The following MACROD2 variants were observed in gnomAD, a reference collection of about 807,000 sequenced individuals.
The protein encoded by MACROD2 is mono-ADP ribosylhydrolase 2.
In MACROD2, 36 loss-of-function variants were observed where a neutral mutation model predicts 70.4. That is an observed-to-expected ratio of 0.51 (90% confidence interval 0.39 to 0.68). The LOEUF is 0.68. Ranked by LOEUF, MACROD2 falls within the 30% of genes least tolerant of loss-of-function variation. The pLI, the probability that MACROD2 is intolerant of heterozygous loss-of-function variation, is 0.00. For synonymous variants in MACROD2, 172 were observed against 178.8 expected (o/e 0.96, Z 0.30); for missense variants, 496 against 538.4 (o/e 0.92, Z 0.78).
intron 4 of MACROD2, among the ~76,000 whole-genome samples, chr20:14,657,640 G>T (rs936981601): frequency 1.6e-4 from 25 of 152,166 alleles, no homozygotes; most frequent in African/African-American, 5.5e-4. Context: ...TTCTGGTTTA[G>T]CTGTGATAAG....
chr20:15,829,001 A>G (rs761897192), intron 8 of MACROD2, among the ~76,000 whole-genome samples: 12 of 152,208 alleles, frequency 7.9e-5, no homozygotes, highest in Non-Finnish European at 1.2e-4. Flanking sequence ...TGTTATTTAC[A>G]AACAATTCTT....
At chr20:15,054,233 C>T (rs1306162852) in intron 5 of MACROD2, among the ~76,000 whole-genome samples, 2 of 152,034 alleles carry the variant, frequency 1.3e-5, no homozygotes, top group Non-Finnish European at 2.9e-5. Flanking sequence ...AAGGATTGAC[C>T]CTGATTTTTA....
intron 4 of MACROD2, among the ~76,000 whole-genome samples, chr20:14,612,953 A>C (rs963601742): frequency 6.6e-6 from 1 of 152,058 alleles, no homozygotes; most frequent in Admixed American, 6.6e-5. Flanking sequence ...TCTTCTATGC[A>C]CCTACAGTGA....
chr20:14,768,487 T>C (rs1232000702), intron 5 of MACROD2, among the ~76,000 whole-genome samples: 1 of 152,092 alleles, frequency 6.6e-6, no homozygotes, highest in Non-Finnish European at 1.5e-5. Context: ...TTTCCCTTTT[T>C]AACATTTTTA....
intron 8 of MACROD2, among the ~76,000 whole-genome samples, chr20:15,512,271 T>C (rs755937602): frequency 6.6e-6 from 1 of 152,226 alleles, no homozygotes; most frequent in African/African-American, 2.4e-5. Context: ...TTAAATATCT[T>C]TGGGAGTTGC....
intron 4 of MACROD2, among the ~76,000 whole-genome samples, chr20:14,550,987 G>C (rs764667970): frequency 1.3e-5 from 2 of 151,322 alleles, no homozygotes; most frequent in African/African-American, 2.4e-5. Flanking sequence ...TATATTTGCT[G>C]TTACCCTTTC....
At chr20:14,064,705 T>A (rs1261398861) in intron 2 of MACROD2, among the ~76,000 whole-genome samples, 1 of 152,204 alleles carries the variant, frequency 6.6e-6, no homozygotes, top group African/African-American at 2.4e-5. Flanking sequence ...TCCCTTTCAA[T>A]CCTACTTATT....
intron 5 of MACROD2, among the ~76,000 whole-genome samples, chr20:15,152,863 C>G (rs1199198787): frequency 6.6e-6 from 1 of 152,022 alleles, no homozygotes; most frequent in African/African-American, 2.4e-5. Context: ...TAAAACGTGT[C>G]TCCTTTGTCT....
chr20:14,231,932 T>C (rs1231883737), intron 3 of MACROD2, among the ~76,000 whole-genome samples: 5 of 152,256 alleles, frequency 3.3e-5, no homozygotes, highest in Non-Finnish European at 7.3e-5. Flanking sequence ...GCTGCATAAA[T>C]GTCTTCCTTT....
intron 6 of MACROD2, among the ~76,000 whole-genome samples, chr20:15,407,483 G>T (rs552046408): frequency 6.6e-6 from 1 of 152,196 alleles, no homozygotes; most frequent in African/African-American, 2.4e-5. Context: ...CTCAATGTCT[G>T]GTTTTGGGGA....
At chr20:15,016,936 G>A (rs899261629) in intron 5 of MACROD2, among the ~76,000 whole-genome samples, 3 of 152,058 alleles carry the variant, frequency 2.0e-5, no homozygotes, top group Non-Finnish European at 4.4e-5. Flanking sequence ...GGAATTCTGG[G>A]AGATACAATT....
intron 8 of MACROD2, among the ~76,000 whole-genome samples, chr20:15,782,645 A>C (rs180837219): frequency 1.3e-5 from 2 of 150,446 alleles, no homozygotes; most frequent in Non-Finnish European, 3.0e-5. Context: ...AAATTGGTCA[A>C]ATCAGTTACA....
chr20:15,728,146 CT>C (rs1177334318), intron 8 of MACROD2, among the ~76,000 whole-genome samples: 2 of 152,104 alleles, frequency 1.3e-5, no homozygotes, highest in African/African-American at 4.8e-5. Context: ...TTTTTAGCAT[CT>C]ATTGAGATAA....
chr20:15,177,843 TATTA>T (rs1163214090), intron 5 of MACROD2, among the ~76,000 whole-genome samples: 1 of 152,184 alleles, frequency 6.6e-6, no homozygotes, highest in Non-Finnish European at 1.5e-5. Context: ...GTGTCATGGC[TATTA>T]TTTAAGAGTA....
At chr20:15,863,408 G>A (rs2064451724) in intron 9 of MACROD2, among the ~76,000 whole-genome samples, 1 of 152,136 alleles carries the variant, frequency 6.6e-6, no homozygotes, top group South Asian at 2.1e-4. Context: ...CTTGAGTAAT[G>A]TATTTACATC....
chr20:14,308,492 C>T (rs1333200672), intron 3 of MACROD2, among the ~76,000 whole-genome samples: 1 of 152,166 alleles, frequency 6.6e-6, no homozygotes, highest in Admixed American at 6.5e-5. Context: ...GTTCCTGGAC[C>T]TTTGGATGCA....
intron 6 of MACROD2, among the ~76,000 whole-genome samples, chr20:15,255,221 CTAA>C (rs1462452821): frequency 2.0e-5 from 3 of 151,986 alleles, no homozygotes; most frequent in Non-Finnish European, 4.4e-5. Context: ...CCTGTACTCT[CTAA>C]TGTAAGAAGA....
chr20:14,198,082 C>T lies in MACROD2; in HGVS notation c.271+112354C>T, dbSNP rs141611222. On this transcript the variant is annotated intron_variant, in intron 3 of 17. Transcript: ENST00000684519. ...TGGGGCCATAAGTCCAACATTCTGC[C>T]TACTTTATAACAACTTTATTGCAGG... 7.2e-3 allele frequency among the ~76,000 whole-genome samples: 1,093 copies of T among 151,922 alleles called. 12 individuals carry two copies. Among genetic ancestry groups the T allele is most frequent in the African/African-American group, 0.025 (1,038 of 41,412 alleles).
chr20:15,199,471 C>T (rs767755766), intron 5 of MACROD2, among the ~76,000 whole-genome samples: 5 of 151,972 alleles, frequency 3.3e-5, no homozygotes, highest in South Asian at 2.1e-4. Context: ...TGCAAAATGA[C>T]GATAATAATG....
Sources: gnomAD v4.1 joint callset for allele counts (sites outside exome capture counted in the v4.1 genomes callset) on GRCh38, gnomAD v4.1.1 for gene constraint, MANE v1.5 for transcripts, NCBI Gene and HGNC (gene_info 2026-07-23, HGNC 2026-07-21) for gene names.